Variants in KNDC1 observed in about 807,000 individuals in gnomAD.
The protein encoded by KNDC1 is kinase non-catalytic C-lobe domain containing 1.
Under a neutral mutation model 172.8 loss-of-function variants are expected in KNDC1, and 106 were observed. The observed-to-expected ratio is 0.61, with a 90% confidence interval of 0.52 to 0.72. The LOEUF is 0.72. Among genes scored for constraint, KNDC1 ranks in the 30% least tolerant of loss-of-function variants. The probability of loss-of-function intolerance (pLI) is 0.00; values close to 1 mark genes in which losing one functional copy is unlikely to be tolerated. For missense variants in KNDC1, 2,325 were observed against 2,394.5 expected (o/e 0.97, Z 0.61); for synonymous variants, 1,083 against 1,062.2 (o/e 1.02, Z -0.38).
chr10:133,194,915 C>T (rs1331023215), intron 9 of KNDC1, among the ~76,000 whole-genome samples: 8 of 152,324 alleles, frequency 5.3e-5, no homozygotes, highest in East Asian at 1.9e-4. Flanking sequence ...ATATCAACCG[C>T]GACCATCTGA....
rs200234621 is a variant in KNDC1 at position 133,186,519 on chromosome 10, G to A, written c.1171G>A (p.Gly391Ser). ...RSTDRGPGVPGSPGQPETSHP... is the reference protein window; with the variant it reads ...RSTDRGPGVPSSPGQPETSHP... The stretch of plus-strand genomic sequence containing the variant: ...CACGGACAGGGGCCCTGGGGTGCCC[G>A]GCAGTCCAGGACAGCCCGAGACTTC... Residue 391 changes from glycine to serine, a missense_variant, in exon 6 of 30, where the codon GGC (glycine) becomes AGC (serine). Coordinates refer to ENST00000304613, the MANE Select transcript of KNDC1 (RefSeq NM_152643.8). The A allele has an allele frequency of 3.7e-5, 59 of 1,612,242 alleles. No individual in the cohort carries two copies. The East Asian group carries it at 1.0e-3, about 28-fold the overall frequency.
chr10:133,167,563 C>G lies in KNDC1; in HGVS notation c.285C>G (p.Phe95Leu), dbSNP rs2135946198. ...LAFNTSGNVC[F>L]MEQLSDDPEG... Reference sequence around the variant, plus strand: ...TCAACACCAGCGGGAACGTGTGTTTCATGGAGCAGCTCAGCGGTGAGGCGG... The same window carrying G: ...TCAACACCAGCGGGAACGTGTGTTTGATGGAGCAGCTCAGCGGTGAGGCGG... The change falls in exon 2 of 30, where the codon TTC becomes TTG. Residue 95 changes from phenylalanine (F) to leucine (L), a missense_variant. Transcript: ENST00000304613. The G allele has an allele frequency of 6.3e-7, 1 of 1,595,674 alleles. No individual in the cohort carries two copies. Among genetic ancestry groups the G allele is most frequent in the East Asian group, 2.3e-5 (1 of 43,818 alleles).
At chr10:133,223,955 C>T (rs1469992333) in intron 29 of KNDC1, among the ~76,000 whole-genome samples, 1 of 127,904 alleles carries the variant, frequency 7.8e-6, no homozygotes, top group Non-Finnish European at 1.6e-5. Context: ...GTGTGTGAGC[C>T]CATCCAGGCA....
intron 9 of KNDC1, 21 bp downstream of exon 9, chr10:133,189,834 C>T (rs538481993): frequency 2.5e-6 from 4 of 1,600,424 alleles, no homozygotes; most frequent in African/African-American, 1.3e-5. Flanking sequence ...CCTCCCCACC[C>T]TGCCCCAGCC....
intron 17 of KNDC1, 72 bp from the exon 18 acceptor site, chr10:133,206,612 TG>T: frequency 1.6e-6 from 2 of 1,266,080 alleles, no homozygotes; most frequent in Admixed American, 1.7e-5. Context: ...CCCAGTGGGG[TG>T]GGGCCTGGCC....
intron 26 of KNDC1, among the ~76,000 whole-genome samples, chr10:133,215,049 G>A (rs554142787): frequency 1.3e-5 from 2 of 152,204 alleles, no homozygotes; most frequent in South Asian, 2.1e-4. Context: ...CTCAGCTGGC[G>A]CTTGGCTGTC....
chr10:133,209,342 G>A lies in KNDC1; in HGVS notation c.3795-1269G>A, dbSNP rs1228395081. The stretch of plus-strand genomic sequence containing the variant: ...TGTGTGCACGTGTGTGCTGTGCGGT[G>A]TGGGGTATAGTGTGTGCACATGTGG... On this transcript the variant is annotated intron_variant, in intron 20 of 29. Transcript: ENST00000304613. This position sits in a 1 kb window ranked among gnomAD's most constrained non-coding sequence, Gnocchi z 4.9. 6.6e-6 allele frequency among the ~76,000 whole-genome samples: 1 copy of A among 151,642 alleles called. No homozygotes were observed. Among genetic ancestry groups the A allele is most frequent in the East Asian group, 1.9e-4 (1 of 5,130 alleles).
At chr10:133,162,123 C>T (rs527557778) in intron 1 of KNDC1, among the ~76,000 whole-genome samples, 1 of 152,342 alleles carries the variant, frequency 6.6e-6, no homozygotes, top group Admixed American at 6.5e-5. Context: ...TTGCAGCGTG[C>T]AGTGGGAACG....
At chr10:133,190,192 A>G (rs1022875714) in intron 9 of KNDC1, among the ~76,000 whole-genome samples, 1 of 152,240 alleles carries the variant, frequency 6.6e-6, no homozygotes, top group African/African-American at 2.4e-5. Context: ...CAGGAATGAT[A>G]GAAATGTGTA....
intron 3 of KNDC1, among the ~76,000 whole-genome samples, chr10:133,173,748 T>C (rs12244023): frequency 8.1e-4 from 123 of 152,334 alleles, no homozygotes; most frequent in African/African-American, 2.8e-3. Flanking sequence ...CCTGTTTTTG[T>C]GCCTCCTGTG....
chr10:133,195,957 C>G, intron 10 of KNDC1, 136 bp downstream of exon 10: 2 of 919,632 alleles, frequency 2.2e-6, no homozygotes, highest in Non-Finnish European at 3.1e-6. Flanking sequence ...TTTCTAGGTC[C>G]CTGTTTCTAG....
At chr10:133,177,773 GGT>G (rs1219551467) in intron 3 of KNDC1, among the ~76,000 whole-genome samples, 1 of 152,092 alleles carries the variant, frequency 6.6e-6, no homozygotes, top group African/African-American at 2.4e-5. Flanking sequence ...TGTGTGGTAT[GGT>G]GTGTGTAGCA....
At position 133,213,668 on chromosome 10, in the gene KNDC1, G is replaced by A. The variant is rs373184145; in HGVS notation, c.4467G>A (p.Pro1489=). 8.1e-6 allele frequency: 13 copies of A among 1,613,892 alleles called. No individual in the cohort carries two copies. Among genetic ancestry groups the A allele is most frequent in the Admixed American group, 3.3e-5 (2 of 59,986 alleles). ...LQQELFQKCH[P]VHFLNSRALG... ...AGGAGTTGTTTCAAAAGTGCCACCC[G>A]GTCCACTTCCTGAACTCACGGGCCC... The change falls in exon 25 of 30, where the codon CCG becomes CCA. Residue 1489 remains proline (P), a synonymous_variant. Transcript: ENST00000304613.
intron 14 of KNDC1, 72 bp from the exon 15 acceptor site, chr10:133,199,386 C>A: frequency 1.3e-6 from 2 of 1,582,012 alleles, no homozygotes; most frequent in South Asian, 2.4e-5. Context: ...TTGTCCGTTT[C>A]ATCAGCCACA....
At chr10:133,197,169 G>T in intron 11 of KNDC1, 34 bp downstream of exon 11, 2 of 1,532,072 alleles carry the variant, frequency 1.3e-6, no homozygotes, top group Non-Finnish European at 9.0e-7. Flanking sequence ...CGCCTCCTCC[G>T]CCGCGCTTAG....
intron 4 of KNDC1, 75 bp downstream of exon 4, chr10:133,183,565 A>G: frequency 6.9e-7 from 1 of 1,442,730 alleles, no homozygotes; most frequent in Non-Finnish European, 9.2e-7. Flanking sequence ...TGCTCACCAC[A>G]CCCACGCCCA....
chr10:133,162,570 T>C (rs990003907), intron 1 of KNDC1, among the ~76,000 whole-genome samples: 8 of 152,268 alleles, frequency 5.3e-5, no homozygotes, highest in African/African-American at 1.9e-4. Context: ...CTTGACATGG[T>C]CCCAAAGAAA....
intron 5 of KNDC1, among the ~76,000 whole-genome samples, 173 bp downstream of exon 5, chr10:133,184,162 GCACA>G (rs532100824): frequency 1.6e-5 from 2 of 128,718 alleles, no homozygotes; most frequent in South Asian, 2.5e-4. Context: ...CACACACACT[GCACA>G]CACACCTATG....
intron 3 of KNDC1, among the ~76,000 whole-genome samples, chr10:133,181,530 C>T (rs1177048702): frequency 2.0e-5 from 3 of 152,190 alleles, no homozygotes; most frequent in Non-Finnish European, 4.4e-5. Context: ...GGATGGCCAG[C>T]GGCCGGGGGC....
Sources: gnomAD v4.1 joint callset for allele counts (sites outside exome capture counted in the v4.1 genomes callset) on GRCh38, gnomAD v4.1.1 for gene constraint, Gnocchi (gnomAD v3.1) non-coding constraint, MANE v1.5 for transcripts, NCBI Gene and HGNC (gene_info 2026-07-23, HGNC 2026-07-21) for gene names.